Variants in SLIRP observed in about 807,000 individuals in gnomAD.
SLIRP encodes the protein SRA stem-loop-interacting RNA-binding protein, mitochondrial.
A neutral mutation model predicts 13.4 loss-of-function variants in SLIRP; 12 were observed. The observed-to-expected ratio is 0.89, with a 90% CI of 0.57 to 1.45. The LOEUF (loss-of-function observed/expected upper bound fraction) is 1.45, where lower values mean the gene tolerates loss of function less well. SLIRP is among the 40% of genes most tolerant of loss of function. The pLI is 0.00. For missense variants in SLIRP, 154 were observed against 132.2 expected, an observed-to-expected ratio of 1.17 and a Z score of -0.81; for synonymous variants, 55 against 47.1, an observed-to-expected ratio of 1.17 and a Z score of -0.69.
intron 1 of SLIRP, 30 bp from the exon 2 acceptor site, chr14:77,710,808 C>T (rs991339212): frequency 4.5e-5 from 73 of 1,613,566 alleles, no homozygotes; most frequent in Non-Finnish European, 5.5e-5. Context: ...AATATAGTAA[C>T]TACTTTTAAT....
At chr14:77,711,286 T>C (rs995386375) in intron 2 of SLIRP, among the ~76,000 whole-genome samples, 2 of 149,942 alleles carry the variant, frequency 1.3e-5, no homozygotes, top group Admixed American at 6.7e-5. Flanking sequence ...TATATACACC[T>C]ACTATACACT....
intron 2 of SLIRP, among the ~76,000 whole-genome samples, chr14:77,712,891 T>G (rs1215340735): frequency 6.6e-6 from 1 of 152,218 alleles, no homozygotes; most frequent in East Asian, 1.9e-4. Flanking sequence ...GCAGCTTGCT[T>G]CTTTAAAGCC....
chr14:77,713,671 CAAGT>C (rs374631269), intron 2 of SLIRP, among the ~76,000 whole-genome samples: 98 of 152,194 alleles, frequency 6.4e-4, no homozygotes, highest in African/African-American at 2.1e-3. Flanking sequence ...TATTTAATGT[CAAGT>C]AAGAAGAAGA....
chr14:77,713,328 A>G lies in SLIRP; in HGVS notation c.156+2432A>G, dbSNP rs187622119. Among the ~76,000 whole-genome samples the G allele has an allele frequency of 3.3e-5, 5 of 152,288 alleles. No homozygotes were observed. The South Asian group carries it at 6.2e-4, about 19-fold the overall frequency. Reference sequence around the variant, plus strand: ...CTTTTTTAGGGTGTGATGTGAGTACATAGAGTTCACACACACTTCACTGAA... The same window carrying G: ...CTTTTTTAGGGTGTGATGTGAGTACGTAGAGTTCACACACACTTCACTGAA... On this transcript the variant is annotated intron_variant, in intron 2 of 3. Transcript: ENST00000557342.
Position 77,710,888 on chromosome 14 carries a change from T to G in SLIRP, c.148T>G (p.Leu50Val), listed in dbSNP as rs1422859588. 83 of 1,613,984 alleles carry G rather than the reference T, an allele frequency of 5.1e-5. No homozygotes were observed. The highest frequency in any genetic ancestry group is 6.7e-5 in the Non-Finnish European group (79 of 1,180,010). The change falls in exon 2 of 4, where the codon TTA (leucine) becomes GTA (valine). Residue 50 changes from leucine (L) to valine (V), a missense_variant. Coordinates refer to ENST00000557342, the MANE Select transcript of SLIRP (RefSeq NM_031210.6). ...GTTCGGCCATGTCAGAAGGTGCATT[T>G]TACCTTTTGTAAGTATTAAGGAAAA... is the stretch of plus-strand genomic sequence containing the variant. ...AQFGHVRRCI[L>V]PFDKETGFHR...
intron 2 of SLIRP, among the ~76,000 whole-genome samples, chr14:77,713,709 T>C (rs543222383): frequency 6.6e-6 from 1 of 152,334 alleles, no homozygotes; most frequent in South Asian, 2.1e-4. Context: ...ATCACTGGGA[T>C]TGATTAGATA....
At chr14:77,709,012 CAT>C (rs1347397888) in intron 1 of SLIRP, among the ~76,000 whole-genome samples, 10 of 152,272 alleles carry the variant, frequency 6.6e-5, no homozygotes, top group South Asian at 4.1e-4. Flanking sequence ...ATACCCAACT[CAT>C]AGGATTGTTG....
chr14:77,710,518 G>A, intron 1 of SLIRP: 1 of 1,232,938 alleles, frequency 8.1e-7, no homozygotes, highest in Non-Finnish European at 1.1e-6. Context: ...ACACTGGATT[G>A]TAATTTGTCT....
intron 1 of SLIRP, among the ~76,000 whole-genome samples, chr14:77,710,384 C>T (rs1360489102): frequency 6.6e-6 from 1 of 152,090 alleles, no homozygotes; most frequent in Non-Finnish European, 1.5e-5. Context: ...TAGAGAGTAA[C>T]TAGGGGCTAG....
At chr14:77,708,830 A>G (rs746909544) in intron 1 of SLIRP, among the ~76,000 whole-genome samples, 2 of 152,218 alleles carry the variant, frequency 1.3e-5, no homozygotes, top group Non-Finnish European at 2.9e-5. Flanking sequence ...AGGCAATTGG[A>G]CAAAGGTTGT....
chr14:77,708,264 GCTT>G, intron 1 of SLIRP, 56 bp downstream of exon 1: 1 of 1,567,002 alleles, frequency 6.4e-7, no homozygotes, highest in East Asian at 2.2e-5. Flanking sequence ...GATCCTCAAA[GCTT>G]CTGCTTTTTG....
At chr14:77,709,797 G>A (rs1462096793) in intron 1 of SLIRP, among the ~76,000 whole-genome samples, 1 of 152,156 alleles carries the variant, frequency 6.6e-6, no homozygotes, top group African/African-American at 2.4e-5. Context: ...ATCATATTCT[G>A]TGAGACCTTG....
chr14:77,717,487 T>C lies in SLIRP; in HGVS notation c.265-9T>C. 1 of 1,611,780 alleles carries C rather than the reference T, an allele frequency of 6.2e-7. No homozygotes were observed. The highest frequency in any genetic ancestry group is 8.5e-7 in the Non-Finnish European group (1 of 1,179,330). ...GCCTTTCCTCCCTTACAGTGCTTAT[T>C]TTTTTAAGGTCCAGGTTCACACTAG... On this transcript the variant is annotated splice_polypyrimidine_tract_variant and intron_variant, in intron 3 of 3. Transcript: ENST00000557342.
intron 3 of SLIRP, among the ~76,000 whole-genome samples, chr14:77,717,066 G>A (rs1044313455): frequency 3.2e-4 from 49 of 152,140 alleles, no homozygotes; most frequent in Admixed American, 8.5e-4. Flanking sequence ...CGCCTGGCCA[G>A]CAGTCTGCTT....
chr14:77,715,904 C>T (rs764828966), intron 3 of SLIRP, 25 bp downstream of exon 3: 1 of 1,514,084 alleles, frequency 6.6e-7, no homozygotes, highest in Non-Finnish European at 9.2e-7. Context: ...ATGCCAGATA[C>T]ATACATGATA....
At chr14:77,714,298 A>C (rs1204127935) in intron 2 of SLIRP, among the ~76,000 whole-genome samples, 2 of 150,856 alleles carry the variant, frequency 1.3e-5, no homozygotes, top group African/African-American at 4.9e-5. Flanking sequence ...GAGCCACCAC[A>C]CCTGGACTGA....
intron 1 of SLIRP, 96 bp downstream of exon 1, chr14:77,708,304 T>G: frequency 8.0e-7 from 1 of 1,255,320 alleles, no homozygotes; most frequent in Non-Finnish European, 1.1e-6. Context: ...GCGTGGTGGC[T>G]GAATTAGGAG....
chr14:77,715,864 T>C lies in SLIRP; in HGVS notation c.249T>C (p.Ile83=). 1 of 1,613,260 alleles carries C rather than the reference T, an allele frequency of 6.2e-7. No individual in the cohort carries two copies. The highest frequency in any genetic ancestry group is 2.2e-5 in the East Asian group (1 of 44,860). The change falls in exon 3 of 4, where the codon ATT becomes ATC. Residue 83 remains isoleucine (I), a synonymous_variant. Transcript: ENST00000557342. ...ATGCACTACAACAGGAAAATCATAT[T>C]ATAGATGGAGTAAAGGTAAATTTAT... ...LRNALQQENH[I]IDGVKVQVHT...
chr14:77,715,173 A>G (rs1253037366), intron 2 of SLIRP, among the ~76,000 whole-genome samples: 1 of 152,076 alleles, frequency 6.6e-6, no homozygotes, highest in Non-Finnish European at 1.5e-5. Flanking sequence ...TACTGATCAA[A>G]ATTTCCCTTA....
Sources: gnomAD v4.1 joint callset for allele counts (sites outside exome capture counted in the v4.1 genomes callset) on GRCh38, gnomAD v4.1.1 for gene constraint, MANE v1.5 for transcripts, NCBI Gene and HGNC (gene_info 2026-07-23, HGNC 2026-07-21) for gene names.